The following ATIC variants were observed in gnomAD, a reference collection of about 807,000 sequenced individuals.
The protein encoded by ATIC is 5-aminoimidazole-4-carboxamide ribonucleotide formyltransferase/IMP cyclohydrolase.
A neutral mutation model predicts 72.5 loss-of-function variants in ATIC; 64 were observed. The ratio of observed to expected loss-of-function variants is 0.88; its 90% CI spans 0.72 to 1.09. The LOEUF is 1.09. ATIC is among the 50% of genes least tolerant of loss of function. The probability of loss-of-function intolerance (pLI) is 0.00; values close to 1 mark genes in which losing one functional copy is unlikely to be tolerated. For synonymous variants in ATIC, 281 were observed against 267.1 expected (o/e 1.05, Z -0.51); for missense variants, 787 against 732.4 (o/e 1.07, Z -0.86).
At chr2:215,349,347 A>G (rs760902621) in intron 15 of ATIC, 98 bp downstream of exon 15, 333 of 1,586,196 alleles carry the variant, frequency 2.1e-4, no homozygotes, top group Non-Finnish European at 2.6e-4. Flanking sequence ...TGGCAAAGTG[A>G]TACAGATCAG....
chr2:215,315,062 G>A (rs905301778), intron 2 of ATIC, among the ~76,000 whole-genome samples: 3 of 152,138 alleles, frequency 2.0e-5, no homozygotes, highest in Non-Finnish European at 4.4e-5. Flanking sequence ...AGTAGACTGA[G>A]GTGGAGAAAG....
downstream of ATIC, among the ~76,000 whole-genome samples, chr2:215,350,729 G>A (rs2053124000): frequency 1.3e-5 from 2 of 152,170 alleles, no homozygotes; most frequent in Admixed American, 6.5e-5. Flanking sequence ...TGGGCACAGT[G>A]GGAGGGCAGT....
the ATIC span, chr2:215,365,716 G>T: frequency 7.7e-7 from 1 of 1,299,834 alleles, no homozygotes; most frequent in Non-Finnish European, 1.1e-6. Context: ...CGTGTCACAG[G>T]GTCTTCAGAA....
chr2:215,347,309 CTG>C (rs1468090064), intron 14 of ATIC: 2 of 377,122 alleles, frequency 5.3e-6, no homozygotes, highest in Admixed American at 7.5e-5. Flanking sequence ...TCCGATGGGT[CTG>C]TATTCAACAT....
chr2:215,339,783 C>T (rs953669002), intron 12 of ATIC, among the ~76,000 whole-genome samples: 44 of 151,752 alleles, frequency 2.9e-4, no homozygotes, highest in Non-Finnish European at 4.9e-4. Context: ...TACAGGCGCC[C>T]GCCACAACGC....
chr2:215,365,035 C>T, the ATIC span: 1 of 1,177,328 alleles, frequency 8.5e-7, no homozygotes, highest in Non-Finnish European at 1.2e-6. Flanking sequence ...AACAATACTG[C>T]AGACTTGATC....
At chr2:215,367,685 A>G in the ATIC span, 1 of 679,812 alleles carries the variant, frequency 1.5e-6, no homozygotes, top group Non-Finnish European at 2.6e-6. Context: ...TCCAACAAGT[A>G]AAATTTCCCA....
At chr2:215,359,311 C>G in the ATIC span, among the ~76,000 whole-genome samples, 780 of 152,278 alleles carry the variant, frequency 5.1e-3, 6 homozygotes, top group African/African-American at 0.018. Context: ...AAGCAAGATT[C>G]AGATGAAGGG....
intron 12 of ATIC, among the ~76,000 whole-genome samples, chr2:215,343,156 C>CTTTTTTTTTT (rs533664290): frequency 7.1e-6 from 1 of 140,826 alleles, no homozygotes; most frequent in African/African-American, 2.6e-5. Context: ...GGTATTGCTA[C>CTTTTTTTTTT]TTTTTTTTTT....
the ATIC span, chr2:215,362,467 TCTC>T: frequency 2.6e-5 from 7 of 267,114 alleles, no homozygotes; most frequent in South Asian, 2.0e-4. Flanking sequence ...GAAGAAACGT[TCTC>T]ATTTTATAGG....
At position 215,349,165 on chromosome 2, in the gene ATIC, G is replaced by C. The variant is rs768663291; in HGVS notation, c.1575G>C (p.Lys525Asn). Residue 525 changes from lysine (K) to asparagine (N), a missense_variant, in exon 15 of 16, where the codon AAG (lysine) becomes AAC (asparagine). Transcript: ENST00000236959. ...VPELLTEAEK[K>N]EWVEKLTEVS... ...AGTTACTCACTGAGGCAGAGAAGAA[G>C]GAATGGGTTGAGAAACTGACTGAAG... The C allele has an allele frequency of 5.0e-6, 8 of 1,613,998 alleles. No individual in the cohort carries two copies. In the East Asian group the frequency reaches 1.1e-4, roughly 22 times the overall value.
At chr2:215,359,174 C>T in the ATIC span, among the ~76,000 whole-genome samples, 5 of 152,190 alleles carry the variant, frequency 3.3e-5, no homozygotes. Context: ...GTGAACCACC[C>T]TTCCCGGCCC....
rs560375000 is a variant in ATIC at position 215,325,763 on chromosome 2, G to A, written c.380-224G>A. Among the ~76,000 whole-genome samples the A allele has an allele frequency of 2.6e-5, 4 of 151,868 alleles. No individual in the cohort carries two copies. The East Asian group carries it at 5.8e-4, about 22-fold the overall frequency. On this transcript the variant is annotated intron_variant, in intron 5 of 15. Transcript: ENST00000236959. ...GTATTTTTTATAGAGATGGAATTTC[G>A]CCATGTTGGCCAGAGTGGTCTCGAA...
intron 9 of ATIC, among the ~76,000 whole-genome samples, chr2:215,334,716 T>C (rs1330124548): frequency 6.6e-6 from 1 of 152,222 alleles, no homozygotes; most frequent in Non-Finnish European, 1.5e-5. Context: ...AAAAGTTTTC[T>C]GAGTGTCACT....
the ATIC span, among the ~76,000 whole-genome samples, chr2:215,359,309 T>C: frequency 6.6e-6 from 1 of 152,190 alleles, no homozygotes. Context: ...TTAAGCAAGA[T>C]TCAGATGAAG....
At chr2:215,335,383 C>T (rs907682354) in intron 10 of ATIC, among the ~76,000 whole-genome samples, 1 of 152,126 alleles carries the variant, frequency 6.6e-6, no homozygotes, top group South Asian at 2.1e-4. Flanking sequence ...AAACTTACCC[C>T]ATCAGTTGAA....
At chr2:215,321,140 A>G (rs2105999016) in intron 4 of ATIC, among the ~76,000 whole-genome samples, 1 of 152,134 alleles carries the variant, frequency 6.6e-6, no homozygotes, top group Middle Eastern at 3.4e-3. Flanking sequence ...TTTATTCTCC[A>G]TTTCCCCAAC....
chr2:215,344,011 G>A (rs949069025), intron 12 of ATIC, among the ~76,000 whole-genome samples: 8 of 152,172 alleles, frequency 5.3e-5, no homozygotes, highest in Non-Finnish European at 7.3e-5. Flanking sequence ...GAAAATGATC[G>A]TAATTTGATT....
chr2:215,332,634 TA>T (rs1362902995), intron 8 of ATIC, 127 bp downstream of exon 8: 3 of 1,204,048 alleles, frequency 2.5e-6, no homozygotes, highest in Admixed American at 2.5e-5. Flanking sequence ...CATCTGTTGA[TA>T]ACAGTATCAA....
Sources: gnomAD v4.1 joint callset for allele counts (sites outside exome capture counted in the v4.1 genomes callset) on GRCh38, gnomAD v4.1.1 for gene constraint, MANE v1.5 for transcripts, NCBI Gene and HGNC (gene_info 2026-07-23, HGNC 2026-07-21) for gene names.